OCIAD1: variants seen among roughly 807,000 people sequenced by gnomAD.
OCIAD1 encodes OCIA domain-containing protein 1.
Under a neutral mutation model 38.9 loss-of-function variants are expected in OCIAD1, and 29 were observed. The observed-to-expected ratio is 0.74, with a 90% CI of 0.55 to 1.02. OCIAD1 has a LOEUF of 1.02. Ranked by LOEUF, OCIAD1 falls within the 50% of genes least tolerant of loss-of-function variation. The probability of loss-of-function intolerance (pLI) is 0.00; values close to 1 mark genes in which losing one functional copy is unlikely to be tolerated. For missense variants in OCIAD1, 288 were observed against 289.6 expected, an observed-to-expected ratio of 0.99 and a Z score of 0.04; for synonymous variants, 110 against 92.0, an observed-to-expected ratio of 1.20 and a Z score of -1.12.
intron 1 of OCIAD1, among the ~76,000 whole-genome samples, chr4:48,817,407 A>G (rs935426723): frequency 6.6e-6 from 1 of 152,014 alleles, no homozygotes; most frequent in African/African-American, 2.4e-5. Context: ...TGTGCTACCC[A>G]GCCGGGTTAC....
intron 4 of OCIAD1, among the ~76,000 whole-genome samples, chr4:48,847,473 G>C (rs1203419280): frequency 2.0e-5 from 3 of 152,204 alleles, no homozygotes; most frequent in Admixed American, 2.0e-4. Context: ...GACTCTTTAA[G>C]ATCTTCGTCT....
chr4:48,826,204 C>T (rs946306426), upstream of OCIAD1, among the ~76,000 whole-genome samples: 1 of 151,850 alleles, frequency 6.6e-6, no homozygotes, highest in African/African-American at 2.4e-5. Context: ...GAACAACGTG[C>T]AGGTTTGTTA....
intron 3 of OCIAD1, among the ~76,000 whole-genome samples, chr4:48,835,214 G>A (rs1777877617): frequency 6.6e-6 from 1 of 152,148 alleles, no homozygotes. Flanking sequence ...GATTACAGGT[G>A]TGAGCCACTG....
upstream of OCIAD1, chr4:48,830,435 A>G (rs1196770195): frequency 6.6e-6 from 1 of 152,232 alleles, no homozygotes; most frequent in African/African-American, 2.4e-5. Flanking sequence ...TTCAGGAAGG[A>G]ATGTATGAAA....
At chr4:48,818,270 C>T (rs1433499843) in intron 1 of OCIAD1, among the ~76,000 whole-genome samples, 2 of 152,120 alleles carry the variant, frequency 1.3e-5, no homozygotes, top group Admixed American at 1.3e-4. Flanking sequence ...CTGGTGATAC[C>T]CAGGTGAACA....
chr4:48,849,840 C>A, intron 5 of OCIAD1, 107 bp from the exon 6 acceptor site: 2 of 890,700 alleles, frequency 2.2e-6, no homozygotes, highest in Non-Finnish European at 3.4e-6. Flanking sequence ...TCTTTCTAAA[C>A]CAAAGACTTA....
upstream of OCIAD1, among the ~76,000 whole-genome samples, chr4:48,828,532 A>G (rs1318368677): frequency 6.6e-6 from 1 of 151,994 alleles, no homozygotes; most frequent in African/African-American, 2.4e-5. Context: ...GGTCTGCACC[A>G]CCTTTATGAG....
At chr4:48,816,733 G>A (rs1185725055) in intron 1 of OCIAD1, among the ~76,000 whole-genome samples, 7 of 152,088 alleles carry the variant, frequency 4.6e-5, no homozygotes, top group Non-Finnish European at 2.9e-5. Flanking sequence ...CACTTTGGGA[G>A]GCCAAGGCAG....
intron 1 of OCIAD1, among the ~76,000 whole-genome samples, chr4:48,811,766 A>G (rs570618045): frequency 1.3e-5 from 2 of 152,256 alleles, no homozygotes; most frequent in Non-Finnish European, 2.9e-5. Flanking sequence ...AGAAGAGTCA[A>G]GGATGCCTCC....
At chr4:48,829,723 G>A (rs1777332218), upstream of OCIAD1, among the ~76,000 whole-genome samples, 1 of 152,104 alleles carries the variant, frequency 6.6e-6, no homozygotes, top group Non-Finnish European at 1.5e-5. Context: ...CAAGCCCTGG[G>A]CCCAGAAGTA....
In OCIAD1 at chr4:48,820,642, G is replaced by C. The variant is rs531459767; in HGVS notation, c.-102-9935G>C. Among the ~76,000 whole-genome samples the C allele has an allele frequency of 4.6e-5, 7 of 152,224 alleles. 1 individual carries two copies. The highest frequency in any genetic ancestry group is 1.4e-4 in the African/African-American group (6 of 41,544). On this transcript the variant is annotated intron_variant, in intron 1 of 6. Coordinates refer to the OCIAD1 transcript ENST00000504654. ...GTTTTTTGAAAAGATTAACCAAATAGATGGACCACTAGCTAGACTAATAAA... is the reference window on the plus strand; with the variant it reads ...GTTTTTTGAAAAGATTAACCAAATACATGGACCACTAGCTAGACTAATAAA...
intron 1 of OCIAD1, among the ~76,000 whole-genome samples, chr4:48,815,271 C>T (rs922653238): frequency 6.6e-6 from 1 of 152,032 alleles, no homozygotes; most frequent in Non-Finnish European, 1.5e-5. Context: ...TGAGGTCGCG[C>T]CACACTCCAG....
chr4:48,822,976 G>T (rs1025254198), intron 1 of OCIAD1, among the ~76,000 whole-genome samples: 40 of 152,326 alleles, frequency 2.6e-4, no homozygotes, highest in African/African-American at 9.1e-4. Context: ...GTGGAAGACA[G>T]TGTGGCAATT....
chr4:48,852,678 C>G (rs775347532), intron 7 of OCIAD1, among the ~76,000 whole-genome samples: 36 of 152,152 alleles, frequency 2.4e-4, no homozygotes, highest in Middle Eastern at 3.4e-3. Context: ...ATGATACTAC[C>G]TCTCTTAATG....
chr4:48,807,239 C>T (rs1777037471), intron 1 of OCIAD1, among the ~76,000 whole-genome samples: 2 of 151,724 alleles, frequency 1.3e-5, no homozygotes, highest in Non-Finnish European at 2.9e-5. Context: ...TGAGTGGGAG[C>T]TCAGGAGCAG....
At chr4:48,843,727 A>G (rs1778735138) in intron 4 of OCIAD1, among the ~76,000 whole-genome samples, 1 of 152,188 alleles carries the variant, frequency 6.6e-6, no homozygotes, top group South Asian at 2.1e-4. Flanking sequence ...AACAACAACA[A>G]CAAAACAAAA....
intron 1 of OCIAD1, among the ~76,000 whole-genome samples, chr4:48,825,573 C>A (rs1777241907): frequency 6.6e-6 from 1 of 152,194 alleles, no homozygotes; most frequent in South Asian, 2.1e-4. Flanking sequence ...TAAATCACCT[C>A]AGAGGACCCC....
chr4:48,846,251 T>C (rs991987532), intron 4 of OCIAD1, among the ~76,000 whole-genome samples: 4 of 152,260 alleles, frequency 2.6e-5, no homozygotes, highest in Admixed American at 6.5e-5. Flanking sequence ...CCAGTTCTTA[T>C]AAATGAAGGA....
chr4:48,828,448 C>G (rs1254567656), upstream of OCIAD1, among the ~76,000 whole-genome samples: 1 of 152,214 alleles, frequency 6.6e-6, no homozygotes, highest in Non-Finnish European at 1.5e-5. Context: ...GCAACCCACT[C>G]AGGTCCCCTT....
Sources: gnomAD v4.1 joint callset for allele counts (sites outside exome capture counted in the v4.1 genomes callset) on GRCh38, gnomAD v4.1.1 for gene constraint, MANE v1.5 for transcripts, NCBI Gene and HGNC (gene_info 2026-07-23, HGNC 2026-07-21) for gene names.